Variants in MAVS observed in about 807,000 individuals in gnomAD.
MAVS encodes mitochondrial antiviral signaling protein.
Under a neutral mutation model 30.2 loss-of-function variants are expected in MAVS, and 20 were observed. The observed-to-expected ratio is 0.66, with a 90% CI of 0.47 to 0.96. The LOEUF (loss-of-function observed/expected upper bound fraction) is 0.96, where lower values mean the gene tolerates loss of function less well. MAVS is among the 40% of genes least tolerant of loss of function. The pLI is 0.00. For missense variants in MAVS, 624 were observed against 701.1 expected, an observed-to-expected ratio of 0.89 and a Z score of 1.24; for synonymous variants, 278 against 293.9, an observed-to-expected ratio of 0.95 and a Z score of 0.55.
In MAVS at chr20:3,866,384, G is replaced by A. The variant is rs539253123; in HGVS notation, c.*237G>A. 2 of 542,310 alleles carry A rather than the reference G, an allele frequency of 3.7e-6. No individual in the cohort carries two copies. Among genetic ancestry groups the A allele is most frequent in the African/African-American group, 1.9e-5 (1 of 52,860 alleles). 33.6% of individuals were successfully genotyped at this position (542,310 alleles called of 1,614,324 possible). On this transcript the variant is annotated 3_prime_UTR_variant, in exon 7 of 7. Coordinates refer to ENST00000428216, the MANE Select transcript of MAVS (RefSeq NM_020746.5). ...TCCTTGGCTTTCTGGGTCCTGGGCT[G>A]CCCCCAGTGCTCCAGACCTTCCCCA...
chr20:3,875,299 C>G lies in MAVS; in HGVS notation c.*9152C>G, dbSNP rs2146790379. On this transcript the variant is annotated 3_prime_UTR_variant, in exon 7 of 7. Coordinates refer to ENST00000428216, the MANE Select transcript of MAVS (RefSeq NM_020746.5). ...GGCATGATGATATATGCCTGTAGTC[C>G]CAACTACTTGGAAGGCTGAGGTGTG... 1 of 152,024 alleles carries G rather than the reference C, an allele frequency of 6.6e-6. No homozygotes were observed. The highest frequency in any genetic ancestry group is 1.5e-5 in the Non-Finnish European group (1 of 67,978). 9.4% of individuals were successfully genotyped at this position (152,024 alleles called of 1,614,324 possible).
At position 3,854,550 on chromosome 20, in the gene MAVS, T is replaced by C; in HGVS notation, c.-67-8T>C. 1 of 999,378 alleles carries C rather than the reference T, an allele frequency of 1.0e-6. No homozygotes were observed. The allele number at this position is 999,378 out of a possible 1,614,324, so 61.9% of individuals were successfully genotyped here. A position where few individuals can be genotyped will look rare whatever the true frequency, so the allele number is the denominator to read the frequency against. On this transcript the variant is annotated splice_region_variant and splice_polypyrimidine_tract_variant and intron_variant, in intron 1 of 6. Transcript: ENST00000428216. ...CCCTGTTGTAATGTGTGATCTGTTT[T>C]CTTCCAGTCTCGTTTCCTCTCAGTC...
At position 3,859,877 on chromosome 20, in the gene MAVS, T is replaced by A. The variant is rs372303376; in HGVS notation, c.293-1455T>A. Among the ~76,000 whole-genome samples the A allele has an allele frequency of 2.0e-5, 3 of 147,432 alleles. No homozygotes were observed. The Admixed American group carries it at 2.0e-4, about 10-fold the overall frequency. ...TGTCGCCCAGGCTGGAGTGCAGTGG[T>A]GCCATCTCAGCTCACTGCAAGCTCC... On this transcript the variant is annotated intron_variant, in intron 3 of 6. Transcript: ENST00000428216.
intron 3 of MAVS, among the ~76,000 whole-genome samples, chr20:3,858,622 G>A (rs1269511660): frequency 5.6e-5 from 8 of 142,086 alleles, no homozygotes; most frequent in East Asian, 4.2e-4. Context: ...CTGAGATCGC[G>A]CCACTGCACT....
At chr20:3,858,329 A>G (rs192095907) in intron 3 of MAVS, among the ~76,000 whole-genome samples, 4 of 151,716 alleles carry the variant, frequency 2.6e-5, no homozygotes, top group African/African-American at 9.7e-5. Context: ...TGTCCCTGCC[A>G]CTCTGAGTGC....
In MAVS at chr20:3,875,683, C is replaced by G. The variant is rs1372558242; in HGVS notation, c.*9536C>G. 6.6e-6 allele frequency: 1 copy of G among 152,374 alleles called. No individual in the cohort carries two copies. Among genetic ancestry groups the G allele is most frequent in the African/African-American group, 2.4e-5 (1 of 41,456 alleles). The allele number at this position is 152,374 out of a possible 1,614,324, so 9.4% of individuals were successfully genotyped here. ...TCCCACTTTCCTCACCCTCCAGGAC[C>G]TGTAAACTGTGAGGCTGGACCAGTT... On this transcript the variant is annotated 3_prime_UTR_variant, in exon 7 of 7. Coordinates refer to ENST00000428216, the MANE Select transcript of MAVS (RefSeq NM_020746.5).
At position 3,849,656 on chromosome 20, in the gene MAVS, G is replaced by A. The variant is rs911591017; in HGVS notation, c.-68+2753G>A. 2.0e-5 allele frequency among the ~76,000 whole-genome samples: 3 copies of A among 152,274 alleles called. No individual in the cohort carries two copies. The East Asian group carries it at 5.8e-4, about 29-fold the overall frequency. ...CCTGAGAACAGCTCAGCTGTGTTCT[G>A]CACGCTAGTTCAGAAAGGCTTCTTT... On this transcript the variant is annotated intron_variant, in intron 1 of 6. Transcript: ENST00000428216.
intron 1 of MAVS, among the ~76,000 whole-genome samples, chr20:3,847,940 A>G (rs905875703): frequency 7.9e-5 from 12 of 152,158 alleles, no homozygotes; most frequent in African/African-American, 2.7e-4. Context: ...CCTGTCTACA[A>G]TGGGCCCTCC....
At chr20:3,850,486 A>G (rs997658861) in intron 1 of MAVS, among the ~76,000 whole-genome samples, 8 of 150,200 alleles carry the variant, frequency 5.3e-5, no homozygotes, top group African/African-American at 2.0e-4. Context: ...GCTACTTGGG[A>G]GGCTGAGGCA....
intron 2 of MAVS, among the ~76,000 whole-genome samples, chr20:3,857,275 C>T (rs78346865): frequency 4.6e-5 from 7 of 152,288 alleles, no homozygotes; most frequent in African/African-American, 1.4e-4. Flanking sequence ...GGTTTGGATT[C>T]CTGCCCCACT....
chr20:3,859,873 G>A (rs1235888254), intron 3 of MAVS, among the ~76,000 whole-genome samples: 5 of 151,716 alleles, frequency 3.3e-5, no homozygotes, highest in African/African-American at 4.8e-5. Context: ...CTGGAGTGCA[G>A]TGGTGCCATC....
At position 3,868,162 on chromosome 20, in the gene MAVS, C is replaced by G. The variant is rs1053172461; in HGVS notation, c.*2015C>G. On this transcript the variant is annotated 3_prime_UTR_variant, in exon 7 of 7. Transcript: ENST00000428216. ...CTGCACCCTGGAACCAGGAGTGGAC[C>G]CTACCCGAGCTGTCTGTATTAATCC... is the stretch of plus-strand genomic sequence containing the variant. 6.6e-6 allele frequency: 1 copy of G among 152,364 alleles called. No homozygotes were observed. Among genetic ancestry groups the G allele is most frequent in the African/African-American group, 2.4e-5 (1 of 41,444 alleles). 9.4% of individuals were successfully genotyped at this position (152,364 alleles called of 1,614,324 possible). A position where few individuals can be genotyped will look rare whatever the true frequency, so the allele number is the denominator to read the frequency against.
In MAVS at chr20:3,870,161, G is replaced by C. The variant is rs2089943139; in HGVS notation, c.*4014G>C. ...TGTGGAGGTCAGAACCCAAGGAAGG[G>C]AGTGAGACCTCCACTCCCAGTGGGG... On this transcript the variant is annotated 3_prime_UTR_variant, in exon 7 of 7. Transcript: ENST00000428216. 1 of 152,264 alleles carries C rather than the reference G, an allele frequency of 6.6e-6. No homozygotes were observed. Among genetic ancestry groups the C allele is most frequent in the Non-Finnish European group, 1.5e-5 (1 of 68,052 alleles). 9.4% of individuals were successfully genotyped at this position (152,264 alleles called of 1,614,324 possible).
chr20:3,858,075 T>C (rs368289494), intron 3 of MAVS: 11 of 518,234 alleles, frequency 2.1e-5, no homozygotes, highest in Middle Eastern at 6.6e-4. Flanking sequence ...CTGCAGTGGG[T>C]GATACTGCGG....
At chr20:3,861,908 C>T (rs2089870174) in intron 4 of MAVS, among the ~76,000 whole-genome samples, 1 of 152,084 alleles carries the variant, frequency 6.6e-6, no homozygotes, top group South Asian at 2.1e-4. Context: ...ACCACCACGC[C>T]CAGCTAATTT....
Position 3,866,430 on chromosome 20 carries a change from C to A in MAVS, c.*283C>A. The A allele has an allele frequency of 2.0e-6, 1 of 489,270 alleles. No individual in the cohort carries two copies. The highest frequency in any genetic ancestry group is 5.4e-4 in the Middle Eastern group (1 of 1,838). The allele number at this position is 489,270 out of a possible 1,614,324, so 30.3% of individuals were successfully genotyped here. A position where few individuals can be genotyped will look rare whatever the true frequency, so the allele number is the denominator to read the frequency against. ...CCCCACTGGCAATCCAGGTTATCAT[C>A]CATGTCCTCCAGAGGAGCTTCCTCC... On this transcript the variant is annotated 3_prime_UTR_variant, in exon 7 of 7. Transcript: ENST00000428216.
At position 3,851,204 on chromosome 20, in the gene MAVS, C is replaced by T. The variant is rs140721742; in HGVS notation, c.-67-3354C>T. The stretch of plus-strand genomic sequence containing the variant: ...TTATCCAGGCATGGTGGCGTGTACC[C>T]GTAATCCCAGCTACTCGGGAGGCTG... On this transcript the variant is annotated intron_variant, in intron 1 of 6. Transcript: ENST00000428216. Among the ~76,000 whole-genome samples, 10 of 149,650 alleles carry T rather than the reference C, an allele frequency of 6.7e-5. No individual in the cohort carries two copies. The South Asian group carries it at 1.3e-3, about 19-fold the overall frequency.
Position 3,854,567 on chromosome 20 carries a change from C to T in MAVS, c.-58C>T, listed in dbSNP as rs1759048575. The stretch of plus-strand genomic sequence containing the variant: ...ATCTGTTTTCTTCCAGTCTCGTTTC[C>T]TCTCAGTCCATCCACCCTTCATGGG... On this transcript the variant is annotated 5_prime_UTR_variant, in exon 2 of 7. Coordinates refer to ENST00000428216, the MANE Select transcript of MAVS (RefSeq NM_020746.5). The T allele has an allele frequency of 8.1e-7, 1 of 1,241,864 alleles. No individual in the cohort carries two copies. Among genetic ancestry groups the T allele is most frequent in the Non-Finnish European group, 1.2e-6 (1 of 857,698 alleles). The allele number at this position is 1,241,864 out of a possible 1,614,324, so 76.9% of individuals were successfully genotyped here.
At chr20:3,848,188 C>T (rs1231020958) in intron 1 of MAVS, among the ~76,000 whole-genome samples, 6 of 152,056 alleles carry the variant, frequency 3.9e-5, no homozygotes, top group Non-Finnish European at 7.4e-5. Context: ...CAACCTCTGC[C>T]TCCTGGGTCT....
Sources: gnomAD v4.1 joint callset for allele counts (sites outside exome capture counted in the v4.1 genomes callset) on GRCh38, gnomAD v4.1.1 for gene constraint, MANE v1.5 for transcripts, NCBI Gene and HGNC (gene_info 2026-07-23, HGNC 2026-07-21) for gene names.